The following RGS5 variants were observed in gnomAD, a reference collection of about 807,000 sequenced individuals.
RGS5 encodes the protein regulator of G protein signaling 5, also known as regulator of G-protein signalling 5.
RGS5 carries 20 observed loss-of-function variants against 18.9 expected under a neutral mutation model. The ratio of observed to expected loss-of-function variants is 1.06; its 90% CI spans 0.74 to 1.54. The LOEUF is 1.54. Ranked by LOEUF, RGS5 falls within the 40% of genes most tolerant of loss-of-function variation. The pLI, the probability that RGS5 is intolerant of heterozygous loss-of-function variation, is 0.00. For missense variants in RGS5, 201 were observed against 211.8 expected (o/e 0.95, Z 0.32); for synonymous variants, 57 against 76.2 (o/e 0.75, Z 1.31).
At chr1:163,180,217 C>G (rs1658751062) in intron 1 of RGS5, among the ~76,000 whole-genome samples, 1 of 152,176 alleles carries the variant, frequency 6.6e-6, no homozygotes, top group Non-Finnish European at 1.5e-5. Flanking sequence ...CTCAGATGAT[C>G]CACCCGCCTC....
At chr1:163,272,669 C>T (rs1446423132) in intron 2 of RGS5, among the ~76,000 whole-genome samples, 2 of 151,912 alleles carry the variant, frequency 1.3e-5, no homozygotes, top group Admixed American at 1.3e-4. Context: ...AGAAGTTATC[C>T]TTTCCCCTTT....
At chr1:163,240,461 G>A (rs1647759369) in intron 2 of RGS5, among the ~76,000 whole-genome samples, 1 of 152,054 alleles carries the variant, frequency 6.6e-6, no homozygotes, top group Non-Finnish European at 1.5e-5. Flanking sequence ...TATGCATCAG[G>A]AGGCAGGGTG....
In RGS5 at chr1:163,152,683, G is replaced by C. The variant is rs1657420791; in HGVS notation, c.251C>G (p.Ser84Cys). ...CTCAAGGTTTTCCTCACTGAATTCA[G>C]ACTTCAGGAAACTTTTGAAACTGGC... is the stretch of plus-strand genomic sequence containing the variant. Reference protein sequence around the residue: ...GLASFKSFLKSEFSEENLEFW... With the variant: ...GLASFKSFLKCEFSEENLEFW... Residue 84 changes from serine (S) to cysteine (C), a missense_variant, in exon 4 of 5, where the codon TCT (serine) becomes TGT (cysteine). Ser to Cys is a moderately radical substitution (Grantham distance 112). Coordinates refer to ENST00000313961, the MANE Select transcript of RGS5 (RefSeq NM_003617.4). 1 of 1,606,078 alleles carries C rather than the reference G, an allele frequency of 6.2e-7. No homozygotes were observed. The highest frequency in any genetic ancestry group is 1.7e-5 in the Admixed American group (1 of 58,890).
intron 1 of RGS5, among the ~76,000 whole-genome samples, chr1:163,312,166 G>A (rs1390265518): frequency 1.3e-5 from 2 of 152,094 alleles, no homozygotes; most frequent in Admixed American, 6.5e-5. Flanking sequence ...GGTTTTATAA[G>A]GGGCTCTTCC....
upstream of RGS5, among the ~76,000 whole-genome samples, chr1:163,207,001 AC>A (rs1659970843): frequency 6.6e-6 from 1 of 152,244 alleles, no homozygotes; most frequent in African/African-American, 2.4e-5. Flanking sequence ...GACAACTAAC[AC>A]TACTGAATAA....
chr1:163,219,245 G>T (rs186489510), upstream of RGS5, among the ~76,000 whole-genome samples: 21 of 152,252 alleles, frequency 1.4e-4, no homozygotes, highest in Admixed American at 1.2e-3. Context: ...CAGAAGCCCT[G>T]CCTGTTCTCC....
chr1:163,259,589 A>T (rs1419409585), intron 2 of RGS5, among the ~76,000 whole-genome samples: 1 of 152,196 alleles, frequency 6.6e-6, no homozygotes, highest in African/African-American at 2.4e-5. Context: ...GAACATCAGT[A>T]CAGCTGGAGA....
chr1:163,263,315 G>C (rs1453359340), intron 2 of RGS5, among the ~76,000 whole-genome samples: 1 of 152,322 alleles, frequency 6.6e-6, no homozygotes, highest in African/African-American at 2.4e-5. Flanking sequence ...TATTCAAGGA[G>C]TGTTGCTTCT....
chr1:163,171,792 A>G (rs1236747473), intron 1 of RGS5, among the ~76,000 whole-genome samples: 1 of 152,226 alleles, frequency 6.6e-6, no homozygotes, highest in Admixed American at 6.5e-5. Flanking sequence ...GGCAGTATGC[A>G]GTAAATATAC....
At chr1:163,180,688 T>TTTTTTTTTG (rs1286648600) in intron 1 of RGS5, among the ~76,000 whole-genome samples, 1,888 of 110,516 alleles carry the variant, frequency 0.017, 122 homozygotes, top group East Asian at 0.03. Flanking sequence ...CTTACCCTGT[T>TTTTTTTTTG]TTTTTTTTTT....
chr1:163,214,141 C>T (rs1336959735), intron 1 of RGS5, among the ~76,000 whole-genome samples: 2 of 152,112 alleles, frequency 1.3e-5, no homozygotes, highest in Non-Finnish European at 2.9e-5. Flanking sequence ...TCCCTTGACT[C>T]CTGATTTCTC....
chr1:163,231,567 TTTTTA>T (rs1647482227), intron 2 of RGS5, among the ~76,000 whole-genome samples: 1 of 152,144 alleles, frequency 6.6e-6, no homozygotes, highest in South Asian at 2.1e-4. Flanking sequence ...GTTGGGTCTA[TTTTTA>T]GTCCAGTGGT....
chr1:163,226,869 G>A (rs774434005), intron 2 of RGS5, among the ~76,000 whole-genome samples: 2 of 152,200 alleles, frequency 1.3e-5, no homozygotes, highest in South Asian at 2.1e-4. Flanking sequence ...AAGACCAAAA[G>A]TTGTTTTGCA....
intron 1 of RGS5, among the ~76,000 whole-genome samples, chr1:163,184,815 A>G (rs1174610890): frequency 1.3e-5 from 2 of 152,166 alleles, no homozygotes; most frequent in Non-Finnish European, 2.9e-5. Context: ...CAGAACCTCC[A>G]GGAGGAATGC....
intron 2 of RGS5, among the ~76,000 whole-genome samples, chr1:163,283,357 T>G (rs1649044724): frequency 6.6e-6 from 1 of 152,212 alleles, no homozygotes; most frequent in Non-Finnish European, 1.5e-5. Context: ...TTATCCTGAT[T>G]TGATCATTAC....
intron 1 of RGS5, among the ~76,000 whole-genome samples, chr1:163,198,607 A>T (rs1659661829): frequency 6.6e-6 from 1 of 152,116 alleles, no homozygotes; most frequent in Non-Finnish European, 1.5e-5. Flanking sequence ...AACCAGTTCA[A>T]TTATTAGTAT....
At chr1:163,159,249 T>C (rs1392015922) in intron 3 of RGS5, among the ~76,000 whole-genome samples, 2 of 152,132 alleles carry the variant, frequency 1.3e-5, no homozygotes, top group Admixed American at 1.3e-4. Context: ...CCTCCTCAGT[T>C]TATGAAGATT....
chr1:163,311,397 C>G lies in RGS5; in HGVS notation c.-377-5068G>C, dbSNP rs149209640. Among the ~76,000 whole-genome samples the G allele has an allele frequency of 9.3e-3, 1,412 of 152,282 alleles. 12 individuals are homozygous for G. The highest frequency in any genetic ancestry group is 0.02 in the Middle Eastern group (6 of 294). On this transcript the variant is annotated intron_variant, in intron 1 of 5. Coordinates refer to the RGS5 transcript ENST00000618415. ...TTTTAATTTCCTCCAAGAACTTTTCCTTTGCATTCACAAATTGGCTGTCTG... is the reference window on the plus strand; with the variant it reads ...TTTTAATTTCCTCCAAGAACTTTTCGTTTGCATTCACAAATTGGCTGTCTG...
chr1:163,182,751 G>T (rs553552512), intron 1 of RGS5, among the ~76,000 whole-genome samples: 1 of 152,274 alleles, frequency 6.6e-6, no homozygotes, highest in South Asian at 2.1e-4. Context: ...AGTTCCAAAG[G>T]TGGAGGGGTC....
Sources: allele counts gnomAD v4.1 joint callset (sites outside exome capture counted in the v4.1 genomes callset), GRCh38; gene constraint gnomAD v4.1.1; transcripts MANE v1.5; gene names NCBI Gene and HGNC (gene_info 2026-07-23, HGNC 2026-07-21).